CLSTN2: variants seen among roughly 807,000 people sequenced by gnomAD.
The protein encoded by CLSTN2 is calsyntenin 2.
A neutral mutation model predicts 101.2 loss-of-function variants in CLSTN2; 48 were observed. The ratio of observed to expected loss-of-function variants is 0.47; its 90% CI spans 0.38 to 0.60. The LOEUF is 0.60. CLSTN2 is among the 20% of genes least tolerant of loss of function. CLSTN2 has a pLI of 0.00. For synonymous variants in CLSTN2, 481 were observed against 463.6 expected, an observed-to-expected ratio of 1.04 and a Z score of -0.48; for missense variants, 1,160 against 1,238.2, an observed-to-expected ratio of 0.94 and a Z score of 0.95.
intron 2 of CLSTN2, among the ~76,000 whole-genome samples, chr3:140,305,047 C>T (rs1421867662): frequency 6.8e-6 from 1 of 147,326 alleles, no homozygotes; most frequent in Non-Finnish European, 1.5e-5. Context: ...CACACACACA[C>T]ACACACACTC....
chr3:140,147,078 G>A lies in CLSTN2; in HGVS notation c.110-28873G>A, dbSNP rs756114951. Reference sequence around the variant, plus strand: ...TGGATGGATGAATGGATGAGTGAATGGATGTAGACACTCCCCTTCCCTAGC... The same window carrying A: ...TGGATGGATGAATGGATGAGTGAATAGATGTAGACACTCCCCTTCCCTAGC... On this transcript the variant is annotated intron_variant, in intron 1 of 16. Transcript: ENST00000458420. 4.7e-4 allele frequency among the ~76,000 whole-genome samples: 72 copies of A among 152,194 alleles called. 1 individual carries two copies. The highest frequency in any genetic ancestry group is 2.9e-4 in the Non-Finnish European group (20 of 68,024).
intron 4 of CLSTN2, among the ~76,000 whole-genome samples, chr3:140,415,486 C>CAAAAAAAAG (rs2088419207): frequency 1.8e-5 from 1 of 56,868 alleles, no homozygotes; most frequent in Non-Finnish European, 3.0e-5. Flanking sequence ...CACAAAATAG[C>CAAAAAAAAG]AAAAAAAAAA....
intron 1 of CLSTN2, among the ~76,000 whole-genome samples, chr3:140,128,741 GT>G (rs1395376787): frequency 3.9e-5 from 6 of 152,136 alleles, no homozygotes; most frequent in Non-Finnish European, 1.5e-5. Context: ...AGTGTTCTCT[GT>G]TGCTGAACCC....
chr3:140,491,423 G>A (rs895814370), intron 8 of CLSTN2, among the ~76,000 whole-genome samples: 4 of 152,166 alleles, frequency 2.6e-5, no homozygotes, highest in African/African-American at 9.7e-5. Flanking sequence ...AGAAATACTT[G>A]AATGAACTTT....
intron 1 of CLSTN2, among the ~76,000 whole-genome samples, chr3:140,001,045 C>T (rs2006824549): frequency 6.6e-6 from 1 of 152,152 alleles, no homozygotes; most frequent in South Asian, 2.1e-4. Context: ...TTTTAAAAAG[C>T]CTACAGTGTT....
chr3:140,096,180 T>C (rs2008865785), intron 1 of CLSTN2, among the ~76,000 whole-genome samples: 1 of 152,150 alleles, frequency 6.6e-6, no homozygotes, highest in Admixed American at 6.6e-5. Context: ...TGAAATCTCA[T>C]TTTCTCTTCA....
rs778523990 is a variant in CLSTN2, at chr3:140,421,153, C to G, written c.666C>G (p.Ser222Arg). Residue 222 changes from serine to arginine, a missense_variant, in exon 5 of 17, where the codon AGC (serine) becomes AGG (arginine). Physicochemically the swap from Ser to Arg is moderately radical, Grantham distance 110. Transcript: ENST00000458420. ...NGNIRNTEKLSYDKQHQYEIL... is the reference protein window; with the variant it reads ...NGNIRNTEKLRYDKQHQYEIL... The stretch of plus-strand genomic sequence containing the variant: ...ACATCAGGAACACTGAGAAGCTGAG[C>G]TATGACAAACAACACCAGTATGAGA... 6.2e-6 allele frequency: 10 copies of G among 1,614,114 alleles called. No homozygotes were observed. The highest frequency in any genetic ancestry group is 7.6e-6 in the Non-Finnish European group (9 of 1,179,984).
In CLSTN2 at chr3:140,101,732, G is replaced by C. The variant is rs572910614; in HGVS notation, c.110-74219G>C. On this transcript the variant is annotated intron_variant, in intron 1 of 16. Coordinates refer to ENST00000458420, the MANE Select transcript of CLSTN2 (RefSeq NM_022131.3). Reference sequence around the variant, plus strand: ...CAGATCTCTCCTAAGGCATGGTTCAGAGCTTCAGGCTGCTTCCATCTTATA... The same window carrying C: ...CAGATCTCTCCTAAGGCATGGTTCACAGCTTCAGGCTGCTTCCATCTTATA... Among the ~76,000 whole-genome samples the C allele has an allele frequency of 2.0e-5, 3 of 152,302 alleles. No individual in the cohort carries two copies. In the East Asian group the frequency reaches 5.8e-4, roughly 29 times the overall value.
chr3:140,246,366 G>T (rs1409392670), intron 2 of CLSTN2, among the ~76,000 whole-genome samples: 1 of 152,118 alleles, frequency 6.6e-6, no homozygotes, highest in African/African-American at 2.4e-5. Flanking sequence ...GCTACTGGGG[G>T]ATCTTTTACT....
At chr3:140,361,933 C>T (rs116087248) in intron 2 of CLSTN2, among the ~76,000 whole-genome samples, 95 of 152,202 alleles carry the variant, frequency 6.2e-4, no homozygotes, top group African/African-American at 2.0e-3. Flanking sequence ...AACGTAATTC[C>T]TACCAAAATT....
At chr3:140,524,737 T>C (rs1464596689) in intron 8 of CLSTN2, among the ~76,000 whole-genome samples, 1 of 152,106 alleles carries the variant, frequency 6.6e-6, no homozygotes, top group Non-Finnish European at 1.5e-5. Context: ...ATCAAAACCA[T>C]ACTAAGCACA....
intron 2 of CLSTN2, among the ~76,000 whole-genome samples, chr3:140,228,218 G>T (rs1398024679): frequency 6.6e-6 from 1 of 152,048 alleles, no homozygotes; most frequent in African/African-American, 2.4e-5. Flanking sequence ...ATGCTTTGCT[G>T]CTTAGAAATT....
chr3:140,474,451 G>T (rs1331436162), intron 8 of CLSTN2, among the ~76,000 whole-genome samples: 1 of 152,118 alleles, frequency 6.6e-6, no homozygotes, highest in African/African-American at 2.4e-5. Context: ...GAGCAGATTT[G>T]GAGCTTTTCT....
intron 1 of CLSTN2, among the ~76,000 whole-genome samples, chr3:140,056,745 T>C (rs554299967): frequency 3.2e-4 from 48 of 152,314 alleles, no homozygotes; most frequent in Admixed American, 9.8e-4. Flanking sequence ...TAGGTCATAT[T>C]TGGAGAAATT....
intron 2 of CLSTN2, among the ~76,000 whole-genome samples, chr3:140,384,945 C>A (rs1461168541): frequency 6.6e-6 from 1 of 152,170 alleles, no homozygotes; most frequent in Non-Finnish European, 1.5e-5. Context: ...TTGCACCTGC[C>A]ATTGTTCATC....
At chr3:140,078,181 T>A (rs2008524702) in intron 1 of CLSTN2, among the ~76,000 whole-genome samples, 1 of 152,176 alleles carries the variant, frequency 6.6e-6, no homozygotes, top group African/African-American at 2.4e-5. Flanking sequence ...TGTCAGGAGA[T>A]GCTTGCAGTA....
chr3:140,508,185 T>C (rs914515585), intron 8 of CLSTN2: 1 of 152,260 alleles, frequency 6.6e-6, no homozygotes, highest in African/African-American at 2.4e-5. Flanking sequence ...CCTCATCTTC[T>C]AACCAAAACC....
chr3:140,488,764 T>C (rs1036750937), intron 8 of CLSTN2, among the ~76,000 whole-genome samples: 2 of 149,234 alleles, frequency 1.3e-5, no homozygotes, highest in Non-Finnish European at 3.0e-5. Context: ...AAAATCACAT[T>C]CAGATTGTGG....
At chr3:140,417,843 C>T (rs546147344) in intron 4 of CLSTN2, among the ~76,000 whole-genome samples, 6 of 152,342 alleles carry the variant, frequency 3.9e-5, no homozygotes, top group African/African-American at 1.4e-4. Flanking sequence ...ATACTATACC[C>T]TCAGTTTTTA....
Sources: allele counts gnomAD v4.1 joint callset (sites outside exome capture counted in the v4.1 genomes callset), GRCh38; gene constraint gnomAD v4.1.1; transcripts MANE v1.5; gene names NCBI Gene and HGNC (gene_info 2026-07-23, HGNC 2026-07-21).